The following CCDC92 variants were observed in gnomAD, a reference collection of about 807,000 sequenced individuals.
CCDC92 encodes the protein coiled-coil domain containing 92.
CCDC92 carries 12 observed loss-of-function variants against 24.9 expected under a neutral mutation model. The ratio of observed to expected loss-of-function variants is 0.48; its 90% confidence interval spans 0.31 to 0.78. CCDC92 has a LOEUF of 0.78. CCDC92 is among the 30% of genes least tolerant of loss of function. CCDC92 has a pLI of 0.05. For synonymous variants in CCDC92, 193 were observed against 196.3 expected, an observed-to-expected ratio of 0.98 and a Z score of 0.14; for missense variants, 399 against 439.4, an observed-to-expected ratio of 0.91 and a Z score of 0.82.
chr12:123,948,482 C>A (rs1955939893), intron 1 of CCDC92, among the ~76,000 whole-genome samples: 1 of 152,178 alleles, frequency 6.6e-6, no homozygotes, highest in Non-Finnish European at 1.5e-5. Context: ...GGGCAGACAG[C>A]CTGGAGAAGA....
At position 123,943,428 on chromosome 12, in the gene CCDC92, G is replaced by A. The variant is rs967129822; in HGVS notation, c.100C>T (p.Leu34Phe). The A allele has an allele frequency of 1.5e-5, 25 of 1,614,088 alleles. No homozygotes were observed. The highest frequency in any genetic ancestry group is 1.9e-5 in the Non-Finnish European group (22 of 1,180,048). Residue 34 changes from leucine to phenylalanine, a missense_variant, in exon 3 of 5, where the codon CTC becomes TTC. By Grantham distance (22) the Leu-to-Phe change is conservative (BLOSUM62 0). Coordinates refer to ENST00000238156, the MANE Select transcript of CCDC92 (RefSeq NM_025140.3). Reference protein sequence around the residue: ...ENQLHSAQKNLLFLQREHAST... With the variant: ...ENQLHSAQKNFLFLQREHAST... The stretch of plus-strand genomic sequence containing the variant: ...GCATGCTCCCGCTGAAGGAACAGGA[G>A]GTTCTTCTGTGCGCTGTGCAGCTGG...
In CCDC92 at chr12:123,937,886, G is replaced by A; in HGVS notation, c.224-56C>T. On this transcript the variant is annotated intron_variant, in intron 4 of 4. Transcript: ENST00000238156. This position sits in a 1 kb window ranked among gnomAD's most constrained non-coding sequence, Gnocchi z 8.4. The stretch of plus-strand genomic sequence containing the variant: ...GAACTCATTAGACTGAGGCCGAGTG[G>A]TGAGGCCTATGGGGCAGGCGGACCT... The A allele has an allele frequency of 6.5e-7, 1 of 1,529,476 alleles. No individual in the cohort carries two copies. The highest frequency in any genetic ancestry group is 1.4e-5 in the African/African-American group (1 of 73,022). 94.7% of individuals were successfully genotyped at this position (1,529,476 alleles called of 1,614,324 possible).
At chr12:123,951,149 T>G (rs1364016589) in intron 1 of CCDC92, among the ~76,000 whole-genome samples, 1 of 152,314 alleles carries the variant, frequency 6.6e-6, no homozygotes, top group Non-Finnish European at 1.5e-5. Context: ...ACTCACGCAT[T>G]ACATACGTGC....
In CCDC92 at chr12:123,937,440, C is replaced by T. The variant is rs747767968; in HGVS notation, c.614G>A (p.Arg205His). ...GGGGGCTGAGAGGCTCTTTTTCATG[C>T]GGCGGCGAGGCGTTTCGGGTAGCTT... ...KDKLPETPRR[R>H]MKKSLSAPLH... The change falls in exon 5 of 5, where the codon CGC becomes CAC. Residue 205 changes from arginine to histidine, a missense_variant. Coordinates refer to ENST00000238156, the MANE Select transcript of CCDC92 (RefSeq NM_025140.3). The surrounding 1 kb of genome is among the most constrained non-coding windows in gnomAD (Gnocchi z 8.4). 45 of 1,613,460 alleles carry T rather than the reference C, an allele frequency of 2.8e-5. No individual in the cohort carries two copies. The highest frequency in any genetic ancestry group is 2.0e-4 in the South Asian group (18 of 91,072).
rs534403870 is a variant in CCDC92 at position 123,969,450 on chromosome 12, T to C, written c.-60+3079A>G. Among the ~76,000 whole-genome samples the C allele has an allele frequency of 3.4e-5, 5 of 148,382 alleles. No homozygotes were observed. In the East Asian group the frequency reaches 9.8e-4, roughly 29 times the overall value. On this transcript the variant is annotated intron_variant, in intron 1 of 4. Coordinates refer to ENST00000238156, the MANE Select transcript of CCDC92 (RefSeq NM_025140.3). The stretch of plus-strand genomic sequence containing the variant: ...AGCACAAGAATCATCTCTTATATCA[T>C]CTCTTATTCAGTTTTTTTTTTTTTT...
chr12:123,937,836 A>G lies in CCDC92; in HGVS notation c.224-6T>C. On this transcript the variant is annotated splice_region_variant and splice_polypyrimidine_tract_variant and intron_variant, in intron 4 of 4. Coordinates refer to ENST00000238156, the MANE Select transcript of CCDC92 (RefSeq NM_025140.3). This position sits in a 1 kb window ranked among gnomAD's most constrained non-coding sequence, Gnocchi z 8.4. ...GCTTTTAGAAGTCCCGTCTCCTACA[A>G]GAATAAGCCGAGGAAGCAGGTGAAG... is the stretch of plus-strand genomic sequence containing the variant. 1 of 1,598,260 alleles carries G rather than the reference A, an allele frequency of 6.3e-7. No individual in the cohort carries two copies.
At chr12:123,956,315 TTC>T (rs1451494523) in intron 1 of CCDC92, 1 of 152,342 alleles carries the variant, frequency 6.6e-6, no homozygotes, top group Non-Finnish European at 1.5e-5. Flanking sequence ...AGAGGTTTTT[TTC>T]TGTTTTGTTT....
intron 1 of CCDC92, among the ~76,000 whole-genome samples, chr12:123,957,937 G>A (rs1175381644): frequency 6.6e-6 from 1 of 152,042 alleles, no homozygotes; most frequent in East Asian, 1.9e-4. Context: ...GACCTCAAGT[G>A]ATCTGCCCAC....
chr12:123,948,962 A>C (rs1337216018), intron 1 of CCDC92, among the ~76,000 whole-genome samples: 1 of 152,230 alleles, frequency 6.6e-6, no homozygotes, highest in Non-Finnish European at 1.5e-5. Flanking sequence ...CCACCGAGGC[A>C]TCCTGTTTAG....
At chr12:123,955,799 T>C (rs1956136560) in intron 1 of CCDC92, among the ~76,000 whole-genome samples, 1 of 152,188 alleles carries the variant, frequency 6.6e-6, no homozygotes, top group Admixed American at 6.5e-5. Context: ...CACTTTAATT[T>C]AGCCATATTT....
At chr12:123,946,027 G>GCCATCCATTTCCAGTCCATGATGAT (rs1955858269) in intron 1 of CCDC92, 3 of 21,022 alleles carry the variant, frequency 1.4e-4, no homozygotes, top group South Asian at 4.7e-3. Flanking sequence ...CTGGCATCCT[G>GCCATCCATTTCCAGTCCATGATGAT]CTTTGAAAGC....
intron 1 of CCDC92, among the ~76,000 whole-genome samples, chr12:123,949,403 C>T (rs888808659): frequency 2.0e-5 from 3 of 152,228 alleles, no homozygotes; most frequent in African/African-American, 7.2e-5. Flanking sequence ...AAGGCCAGGA[C>T]ATTGGTCTTC....
chr12:123,937,777 C>A lies in CCDC92; in HGVS notation c.277G>T (p.Ala93Ser). Residue 93 changes from alanine to serine, a missense_variant, in exon 5 of 5, where the codon GCC becomes TCC. Transcript: ENST00000238156. This position sits in a 1 kb window ranked among gnomAD's most constrained non-coding sequence, Gnocchi z 8.4. ...ELKKRCEELE[A>S]QLKVKENENA... ...TCGTTCTCTTTCACTTTCAGTTGGG[C>A]TTCCAGCTCTTCACATCTTTTCTTT... 6.2e-7 allele frequency: 1 copy of A among 1,613,464 alleles called. No homozygotes were observed.
chr12:123,967,168 C>T (rs1169122244), intron 1 of CCDC92, among the ~76,000 whole-genome samples: 3 of 152,044 alleles, frequency 2.0e-5, no homozygotes, highest in Admixed American at 6.5e-5. Flanking sequence ...CTTCCTCCCC[C>T]GAGAGCAATA....
intron 1 of CCDC92, among the ~76,000 whole-genome samples, chr12:123,947,609 C>T (rs1382268060): frequency 1.3e-5 from 2 of 152,162 alleles, no homozygotes; most frequent in Non-Finnish European, 2.9e-5. Context: ...CTTGGAGAAC[C>T]TTTGTGTGGA....
intron 1 of CCDC92, among the ~76,000 whole-genome samples, chr12:123,947,302 A>G (rs1594468878): frequency 6.6e-6 from 1 of 152,070 alleles, no homozygotes; most frequent in East Asian, 1.9e-4. Context: ...TCCCTGCTCC[A>G]TGGTGCCCAA....
intron 1 of CCDC92, chr12:123,968,073 C>T (rs1318017809): frequency 6.6e-6 from 1 of 151,838 alleles, no homozygotes; most frequent in Non-Finnish European, 1.5e-5. Flanking sequence ...TCGTTTTTTT[C>T]CCCTTTTTAT....
At chr12:123,962,860 A>T (rs3762103) in intron 1 of CCDC92, 55,606 of 151,394 alleles carry the variant, frequency 0.37, 10,855 homozygotes, top group African/African-American at 0.5. Context: ...GTTTTTTTTT[A>T]AAAAATCTAA....
intron 4 of CCDC92, among the ~76,000 whole-genome samples, chr12:123,941,392 G>C (rs193251462): frequency 6.6e-6 from 1 of 152,288 alleles, no homozygotes; most frequent in African/African-American, 2.4e-5. Context: ...AAGATGTCTG[G>C]GCTCCTGGGT....
Sources: allele counts gnomAD v4.1 joint callset (sites outside exome capture counted in the v4.1 genomes callset), GRCh38; gene constraint gnomAD v4.1.1; non-coding constraint Gnocchi (gnomAD v3.1); transcripts MANE v1.5; gene names NCBI Gene and HGNC (gene_info 2026-07-23, HGNC 2026-07-21).